COPS9: variants seen among roughly 807,000 people sequenced by gnomAD.
COPS9 encodes the protein COP9 signalosome complex subunit 9.
A neutral mutation model predicts 7.2 loss-of-function variants in COPS9; 8 were observed. The observed-to-expected ratio is 1.11, with a 90% CI of 0.65 to 2.00. The LOEUF (loss-of-function observed/expected upper bound fraction) is 2.00. Among genes scored for constraint, COPS9 ranks in the 30% most tolerant of loss-of-function variants. COPS9 has a pLI of 0.00. For missense variants in COPS9, 74 were observed against 77.7 expected (o/e 0.95, Z 0.18); for synonymous variants, 39 against 28.7 (o/e 1.36, Z -1.14).
At chr2:240,130,212 G>A (rs1229652067), downstream of COPS9, among the ~76,000 whole-genome samples, 3 of 152,206 alleles carry the variant, frequency 2.0e-5, no homozygotes, top group Non-Finnish European at 4.4e-5. Context: ...TCAGTAGCGG[G>A]GGCAGCAGGT....
At chr2:240,135,990 C>A in intron 1 of COPS9, 1 of 633,056 alleles carries the variant, frequency 1.6e-6, no homozygotes, top group Admixed American at 4.3e-5. Flanking sequence ...CAGGCTGCGC[C>A]TCCTGGTCCC....
At chr2:240,136,336 C>G, upstream of COPS9, 1 of 1,517,174 alleles carries the variant, frequency 6.6e-7, no homozygotes, top group Non-Finnish European at 8.8e-7. Flanking sequence ...CCGCTTCCGG[C>G]GCGCGCCACA....
At chr2:240,129,310 G>T (rs1267473071), downstream of COPS9, among the ~76,000 whole-genome samples, 2 of 152,158 alleles carry the variant, frequency 1.3e-5, no homozygotes, top group African/African-American at 4.8e-5. Flanking sequence ...CTATAGGCAC[G>T]TGCCACCATG....
Position 240,133,933 on chromosome 2 carries a change from C to G in COPS9, c.136G>C (p.Asp46His). 6.2e-7 allele frequency: 1 copy of G among 1,613,974 alleles called. No individual in the cohort carries two copies. Among genetic ancestry groups the G allele is most frequent in the Non-Finnish European group, 8.5e-7 (1 of 1,179,898 alleles). The change falls in exon 2 of 3, where the codon GAT becomes CAT. Residue 46 changes from aspartate (D) to histidine (H), a missense_variant and splice_region_variant. By Grantham distance (81) the Asp-to-His change is moderately conservative. Transcript: ENST00000607357. ...GGCATCCCATTCCAAGCATCCTTACCGTTAAAAAAGTCTGCATGAACGGCC... is the reference window on the plus strand; with the variant it reads ...GGCATCCCATTCCAAGCATCCTTACGGTTAAAAAAGTCTGCATGAACGGCC... ...EKAVHADFFN[D>H]FEDLFDDDDI...
downstream of COPS9, chr2:240,130,110 G>A: frequency 2.7e-6 from 3 of 1,111,316 alleles, no homozygotes; most frequent in Non-Finnish European, 4.0e-6. Context: ...AAGAGGCAGA[G>A]CTGACATTCG....
downstream of COPS9, among the ~76,000 whole-genome samples, chr2:240,128,560 C>A (rs1046344648): frequency 6.6e-6 from 1 of 152,190 alleles, no homozygotes; most frequent in African/African-American, 2.4e-5. Flanking sequence ...GCTGAGCCTG[C>A]GGTCCCCCAG....
intron 2 of COPS9, 82 bp downstream of exon 2, chr2:240,133,851 A>G (rs1319124513): frequency 7.3e-6 from 10 of 1,377,762 alleles, no homozygotes; most frequent in Non-Finnish European, 5.2e-6. Flanking sequence ...CAAATTATTC[A>G]TGTCACCAAG....
intron 2 of COPS9, among the ~76,000 whole-genome samples, chr2:240,131,922 C>T (rs1574947548): frequency 6.6e-6 from 1 of 152,188 alleles, no homozygotes; most frequent in African/African-American, 2.4e-5. Flanking sequence ...ATCCAGCCTT[C>T]CTGGGGAGGG....
intron 2 of COPS9, 109 bp from the exon 3 acceptor site, chr2:240,131,197 G>A: frequency 1.6e-6 from 2 of 1,248,320 alleles, no homozygotes; most frequent in East Asian, 2.5e-5. Context: ...AATCGTCAAT[G>A]ATCCAATGAA....
Position 240,131,040 on chromosome 2 carries a change from C to T in COPS9, c.*11G>A. On this transcript the variant is annotated 3_prime_UTR_variant, in exon 3 of 3. Transcript: ENST00000607357. ...CCAAGGGCTTGGCCCCGCCTGCAGC[C>T]AGAGGGCATCTCACTGGATGTCATC... 1.9e-6 allele frequency: 3 copies of T among 1,612,958 alleles called. No homozygotes were observed. Among genetic ancestry groups the T allele is most frequent in the Non-Finnish European group, 1.7e-6 (2 of 1,179,694 alleles).
At chr2:240,126,985 T>C (rs1430992095), downstream of COPS9, 1 of 1,589,422 alleles carries the variant, frequency 6.3e-7, no homozygotes, top group South Asian at 1.1e-5. Context: ...CGAGGTCTGG[T>C]AGGTTTGCCT....
intron 2 of COPS9, 83 bp from the exon 3 acceptor site, chr2:240,131,171 T>C: frequency 2.1e-6 from 3 of 1,404,218 alleles, no homozygotes; most frequent in Non-Finnish European, 3.0e-6. Context: ...TATATAGTAG[T>C]CCAAAATACA....
intron 1 of COPS9, among the ~76,000 whole-genome samples, chr2:240,135,522 T>C (rs2151712472): frequency 6.6e-6 from 1 of 152,308 alleles, no homozygotes; most frequent in Admixed American, 6.5e-5. Flanking sequence ...CCTGCCACTC[T>C]GAGCTAGGCT....
Position 240,130,916 on chromosome 2 carries a change from T to C in COPS9, c.*135A>G. ...TCATCTAGGTCGTTAAGAACAGTCTTATCTTTCTGGTTAACCAGGTCCTAA... is the reference window on the plus strand; with the variant it reads ...TCATCTAGGTCGTTAAGAACAGTCTCATCTTTCTGGTTAACCAGGTCCTAA... On this transcript the variant is annotated 3_prime_UTR_variant, in exon 3 of 3. Transcript: ENST00000607357. The C allele has an allele frequency of 6.8e-7, 1 of 1,475,676 alleles. No individual in the cohort carries two copies. Among genetic ancestry groups the C allele is most frequent in the South Asian group, 1.4e-5 (1 of 70,838 alleles). The allele number at this position is 1,475,676 out of a possible 1,614,324, so 91.4% of individuals were successfully genotyped here.
intron 2 of COPS9, among the ~76,000 whole-genome samples, 170 bp from the exon 3 acceptor site, chr2:240,131,258 G>A (rs78880041): frequency 0.015 from 2,359 of 152,312 alleles, 43 homozygotes; most frequent in East Asian, 0.089. Context: ...ACCAGGGCTC[G>A]TACATGTAGT....
intron 1 of COPS9, among the ~76,000 whole-genome samples, chr2:240,135,514 T>C (rs1373087242): frequency 6.6e-6 from 1 of 152,180 alleles, no homozygotes; most frequent in African/African-American, 2.4e-5. Flanking sequence ...GGAGCTGGCC[T>C]GCCACTCTGA....
chr2:240,132,687 G>A lies in COPS9; in HGVS notation c.136+1246C>T, dbSNP rs1282026145. ...GCTGGCAGAGGATAAATGGGACTTT[G>A]AAGGAGATCATCAAAATGCAAGCGT... On this transcript the variant is annotated intron_variant, in intron 2 of 2. Coordinates refer to ENST00000607357, the MANE Select transcript of COPS9 (RefSeq NM_001163424.2). This position sits in a 1 kb window ranked among gnomAD's most constrained non-coding sequence, Gnocchi z 4.1. 1.3e-5 allele frequency among the ~76,000 whole-genome samples: 2 copies of A among 152,190 alleles called. No homozygotes were observed. Among genetic ancestry groups the A allele is most frequent in the African/African-American group, 4.8e-5 (2 of 41,448 alleles).
At chr2:240,126,826 A>G (rs1186335405), downstream of COPS9, 1 of 1,614,198 alleles carries the variant, frequency 6.2e-7, no homozygotes, top group Non-Finnish European at 8.5e-7. Flanking sequence ...TTGGTGCCAC[A>G]CAGCGGATGT....
chr2:240,133,936 T>C lies in COPS9; in HGVS notation c.133A>G (p.Asn45Asp). 1.9e-6 allele frequency: 3 copies of C among 1,614,078 alleles called. No individual in the cohort carries two copies. The highest frequency in any genetic ancestry group is 2.5e-6 in the Non-Finnish European group (3 of 1,179,960). ...ATCCCATTCCAAGCATCCTTACCGT[T>C]AAAAAAGTCTGCATGAACGGCCTTT... ...NEKAVHADFF[N>D]DFEDLFDDDD... The change falls in exon 2 of 3, where the codon AAC becomes GAC. Residue 45 changes from asparagine (N) to aspartate (D), a missense_variant. Asn to Asp is a conservative substitution (Grantham distance 23, BLOSUM62 1). Coordinates refer to ENST00000607357, the MANE Select transcript of COPS9 (RefSeq NM_001163424.2).
Sources: gnomAD v4.1 joint callset for allele counts (sites outside exome capture counted in the v4.1 genomes callset) on GRCh38, gnomAD v4.1.1 for gene constraint, Gnocchi (gnomAD v3.1) non-coding constraint, MANE v1.5 for transcripts, NCBI Gene and HGNC (gene_info 2026-07-23, HGNC 2026-07-21) for gene names.